Variants in AGBL4 observed in about 807,000 individuals in gnomAD.
AGBL4 encodes AGBL carboxypeptidase 4.
AGBL4 carries 58 observed loss-of-function variants against 66.4 expected under a neutral mutation model. That is an observed-to-expected ratio of 0.87 (90% CI 0.71 to 1.09). AGBL4 has a LOEUF of 1.09. AGBL4 is among the 50% of genes least tolerant of loss of function. The probability of loss-of-function intolerance (pLI) is 0.00; values close to 1 mark genes in which losing one functional copy is unlikely to be tolerated. For missense variants in AGBL4, 579 were observed against 631.0 expected, an observed-to-expected ratio of 0.92 and a Z score of 0.88; for synonymous variants, 234 against 222.9, an observed-to-expected ratio of 1.05 and a Z score of -0.44.
intron 6 of AGBL4, among the ~76,000 whole-genome samples, chr1:48,773,963 C>T (rs1644956938): frequency 6.6e-6 from 1 of 152,252 alleles, no homozygotes; most frequent in South Asian, 2.1e-4. Flanking sequence ...AAACCACCTA[C>T]TATGGGCAGT....
At chr1:49,145,016 G>T (rs1236493447) in intron 4 of AGBL4, among the ~76,000 whole-genome samples, 1 of 152,134 alleles carries the variant, frequency 6.6e-6, no homozygotes, top group East Asian at 1.9e-4. Flanking sequence ...ACAGGATGGG[G>T]TCAGTCCAGC....
intron 6 of AGBL4, among the ~76,000 whole-genome samples, chr1:48,748,780 C>T (rs1481141782): frequency 6.6e-6 from 1 of 151,974 alleles, no homozygotes; most frequent in Non-Finnish European, 1.5e-5. Context: ...CTGACTGGGG[C>T]TTTGATGGAT....
chr1:49,948,106 ATG>A (rs1655557248), intron 1 of AGBL4, among the ~76,000 whole-genome samples: 3 of 89,044 alleles, frequency 3.4e-5, no homozygotes, highest in African/African-American at 9.2e-5. Context: ...ATGTATATAT[ATG>A]TAAATGTATG....
intron 3 of AGBL4, among the ~76,000 whole-genome samples, chr1:49,652,571 T>C (rs1410896190): frequency 6.6e-6 from 1 of 152,094 alleles, no homozygotes. Flanking sequence ...GGAGACTGCC[T>C]AAGAAGACTG....
chr1:49,660,975 G>A (rs1646258540), intron 3 of AGBL4, among the ~76,000 whole-genome samples: 1 of 151,902 alleles, frequency 6.6e-6, no homozygotes, highest in South Asian at 2.1e-4. Context: ...GGGAGGGAGA[G>A]CATTAGGAAA....
chr1:49,657,230 C>A (rs1646159935), intron 3 of AGBL4, among the ~76,000 whole-genome samples: 1 of 152,080 alleles, frequency 6.6e-6, no homozygotes, highest in East Asian at 1.9e-4. Context: ...AACAGAGAGC[C>A]AAATCATGAG....
chr1:49,830,355 C>T (rs1273134537), intron 2 of AGBL4, among the ~76,000 whole-genome samples: 3 of 152,194 alleles, frequency 2.0e-5, no homozygotes, highest in Non-Finnish European at 4.4e-5. Context: ...TTGCATTTCT[C>T]TAATGACCAG....
chr1:48,782,936 G>C (rs1645330950), intron 6 of AGBL4, among the ~76,000 whole-genome samples: 1 of 152,136 alleles, frequency 6.6e-6, no homozygotes, highest in African/African-American at 2.4e-5. Context: ...CACCTCAGCA[G>C]CCCCAACCCT....
rs1272016022 is a variant in AGBL4 at position 49,833,892 on chromosome 1, G to A, written c.157+17504C>T. Among the ~76,000 whole-genome samples the A allele has an allele frequency of 2.6e-5, 4 of 152,130 alleles. No homozygotes were observed. In the East Asian group the frequency reaches 7.7e-4, roughly 29 times the overall value. ...TGCTTATCAGCTTAAGGAGATTTTG[G>A]GCTGAGACAATGGGGTTTTCTAGAT... On this transcript the variant is annotated intron_variant, in intron 2 of 13. Coordinates refer to ENST00000371839, the MANE Select transcript of AGBL4 (RefSeq NM_032785.4).
At chr1:48,567,031 C>T (rs192061985) in intron 11 of AGBL4, among the ~76,000 whole-genome samples, 2 of 152,330 alleles carry the variant, frequency 1.3e-5, no homozygotes, top group East Asian at 3.9e-4. Flanking sequence ...TGCACACACA[C>T]ACCCTATTTG....
chr1:49,310,064 G>A (rs1446338318), intron 3 of AGBL4, among the ~76,000 whole-genome samples: 1 of 151,980 alleles, frequency 6.6e-6, no homozygotes, highest in Non-Finnish European at 1.5e-5. Context: ...GATATCTAAG[G>A]AAAGACTATT....
intron 4 of AGBL4, among the ~76,000 whole-genome samples, chr1:49,101,741 A>G (rs1344908539): frequency 1.3e-5 from 2 of 152,162 alleles, no homozygotes; most frequent in Non-Finnish European, 2.9e-5. Flanking sequence ...AGTATGAGAC[A>G]AATAGAGTTC....
rs1249160202 is a variant in AGBL4, at chr1:49,221,560, C to T, written c.377+24210G>A. Among the ~76,000 whole-genome samples the T allele has an allele frequency of 3.3e-5, 5 of 152,156 alleles. No homozygotes were observed. In the South Asian group the frequency reaches 8.3e-4, roughly 25 times the overall value. ...TATCAATAGCCATGAACTTCTCTTG[C>T]ATAATATTCCCTTGCATCGCATTTC... On this transcript the variant is annotated intron_variant, in intron 4 of 13. Coordinates refer to ENST00000371839, the MANE Select transcript of AGBL4 (RefSeq NM_032785.4).
At chr1:49,701,224 G>A (rs1647085625) in intron 2 of AGBL4, among the ~76,000 whole-genome samples, 1 of 151,888 alleles carries the variant, frequency 6.6e-6, no homozygotes, top group African/African-American at 2.4e-5. Flanking sequence ...CCTAGGAGGT[G>A]GAGGATGTAG....
intron 11 of AGBL4, among the ~76,000 whole-genome samples, chr1:48,566,191 C>G (rs951411462): frequency 6.6e-6 from 1 of 152,182 alleles, no homozygotes; most frequent in East Asian, 1.9e-4. Context: ...CTAAGCCTCC[C>G]TTGTATGAAC....
At chr1:49,034,355 A>G (rs1326880891) in intron 5 of AGBL4, among the ~76,000 whole-genome samples, 1 of 152,144 alleles carries the variant, frequency 6.6e-6, no homozygotes, top group Non-Finnish European at 1.5e-5. Context: ...CATGACTTAT[A>G]TTACTGGGGT....
chr1:48,591,099 C>CG (rs1557812663), intron 9 of AGBL4, 114 bp from the exon 10 acceptor site: 4 of 706,252 alleles, frequency 5.7e-6, no homozygotes, highest in Non-Finnish European at 8.5e-6. Context: ...CACCCCCCCC[C>CG]ACACACACAC....
intron 3 of AGBL4, among the ~76,000 whole-genome samples, chr1:49,482,369 G>C (rs1007936684): frequency 8.6e-5 from 13 of 151,924 alleles, no homozygotes; most frequent in African/African-American, 2.9e-4. Flanking sequence ...TCATGCGAGG[G>C]TGTAAGTGCC....
At chr1:49,673,464 G>T (rs1252701886) in intron 3 of AGBL4, among the ~76,000 whole-genome samples, 3 of 152,112 alleles carry the variant, frequency 2.0e-5, no homozygotes, top group Non-Finnish European at 4.4e-5. Flanking sequence ...TAATTGCATT[G>T]TTTGTAACTC....
Sources: allele counts gnomAD v4.1 joint callset (sites outside exome capture counted in the v4.1 genomes callset), GRCh38; gene constraint gnomAD v4.1.1; transcripts MANE v1.5; gene names NCBI Gene and HGNC (gene_info 2026-07-23, HGNC 2026-07-21).